The following PARVA variants were observed in gnomAD, a reference collection of about 807,000 sequenced individuals.
The protein encoded by PARVA is alpha-parvin.
A neutral mutation model predicts 52.6 loss-of-function variants in PARVA; 25 were observed. The observed-to-expected ratio is 0.48, with a 90% CI of 0.35 to 0.66. The LOEUF is 0.66. Ranked by LOEUF, PARVA falls within the 30% of genes least tolerant of loss-of-function variation. The probability of loss-of-function intolerance (pLI) is 0.01; values close to 1 mark genes in which losing one functional copy is unlikely to be tolerated. For missense variants in PARVA, 373 were observed against 450.9 expected (o/e 0.83, Z 1.56); for synonymous variants, 185 against 179.1 (o/e 1.03, Z -0.26).
chr11:12,525,683 G>T (rs779442443), intron 12 of PARVA, among the ~76,000 whole-genome samples: 4 of 152,104 alleles, frequency 2.6e-5, no homozygotes, highest in Non-Finnish European at 4.4e-5. Flanking sequence ...CATTAGCAAG[G>T]CAAGGTAGCA....
chr11:12,429,679 G>A (rs1003532305), intron 1 of PARVA, among the ~76,000 whole-genome samples: 1 of 152,126 alleles, frequency 6.6e-6, no homozygotes, highest in Non-Finnish European at 1.5e-5. Context: ...AATCTGACAT[G>A]TGATCACTAA....
At chr11:12,476,043 C>T (rs1296092665) in intron 3 of PARVA, among the ~76,000 whole-genome samples, 1 of 152,198 alleles carries the variant, frequency 6.6e-6, no homozygotes, top group African/African-American at 2.4e-5. Flanking sequence ...AGAGGGCGCT[C>T]ACCATGCTAG....
intron 3 of PARVA, among the ~76,000 whole-genome samples, chr11:12,474,555 A>C (rs1940980009): frequency 6.6e-6 from 1 of 152,106 alleles, no homozygotes; most frequent in African/African-American, 2.4e-5. Flanking sequence ...TGCACTTAAG[A>C]CAAAAGGCAC....
chr11:12,458,233 G>A (rs529886332), intron 1 of PARVA, among the ~76,000 whole-genome samples: 2 of 152,310 alleles, frequency 1.3e-5, no homozygotes, highest in Non-Finnish European at 1.5e-5. Flanking sequence ...CAGAAGAGTC[G>A]TAAAGCATGA....
At chr11:12,498,040 A>G (rs990910708) in intron 5 of PARVA, among the ~76,000 whole-genome samples, 7 of 151,684 alleles carry the variant, frequency 4.6e-5, no homozygotes, top group Non-Finnish European at 1.0e-4. Flanking sequence ...TATTACTATT[A>G]TTATTTTTTT....
At chr11:12,527,249 G>A (rs1000747827) in intron 12 of PARVA, among the ~76,000 whole-genome samples, 18 of 152,172 alleles carry the variant, frequency 1.2e-4, no homozygotes, top group African/African-American at 3.4e-4. Flanking sequence ...CCGGGGGCAC[G>A]GAAGAAGGGA....
chr11:12,443,360 CG>C (rs1940496936), intron 1 of PARVA, among the ~76,000 whole-genome samples: 1 of 143,788 alleles, frequency 7.0e-6, no homozygotes, highest in Non-Finnish European at 1.5e-5. Context: ...TCAGTAGAGA[CG>C]GGGTTTCACC....
intron 5 of PARVA, among the ~76,000 whole-genome samples, chr11:12,501,734 G>A (rs1412787752): frequency 6.6e-6 from 1 of 152,152 alleles, no homozygotes; most frequent in Admixed American, 6.5e-5. Flanking sequence ...TAGTATGTAT[G>A]TGTGTGAGAC....
chr11:12,394,741 C>T (rs1939711152), intron 1 of PARVA, among the ~76,000 whole-genome samples: 1 of 152,164 alleles, frequency 6.6e-6, no homozygotes, highest in African/African-American at 2.4e-5. Flanking sequence ...CCTGTGTATA[C>T]CCAGATCCGA....
chr11:12,501,687 T>C (rs1272297620), intron 5 of PARVA, among the ~76,000 whole-genome samples: 1 of 152,224 alleles, frequency 6.6e-6, no homozygotes, highest in East Asian at 1.9e-4. Flanking sequence ...TAAAACATCA[T>C]AGTATATTAC....
At chr11:12,469,715 T>C (rs1367497475) in intron 1 of PARVA, among the ~76,000 whole-genome samples, 3 of 152,244 alleles carry the variant, frequency 2.0e-5, no homozygotes, top group Non-Finnish European at 4.4e-5. Context: ...ATGATGTTCC[T>C]GTACCAAATC....
Position 12,421,049 on chromosome 11 carries a change from G to A in PARVA, c.136+43266G>A, listed in dbSNP as rs1940141980. 3.4e-5 allele frequency among the ~76,000 whole-genome samples: 5 copies of A among 145,542 alleles called. No homozygotes were observed. In the South Asian group the frequency reaches 7.0e-4, roughly 20 times the overall value. On this transcript the variant is annotated intron_variant, in intron 1 of 12. Coordinates refer to ENST00000334956, the MANE Select transcript of PARVA (RefSeq NM_018222.5). The stretch of plus-strand genomic sequence containing the variant: ...TTTTTTGTACTTCTCAATCAGTACC[G>A]GCTCTAAAGGTGATACTACCATGAT...
intron 1 of PARVA, among the ~76,000 whole-genome samples, chr11:12,416,212 A>G (rs1336964713): frequency 6.6e-6 from 1 of 152,218 alleles, no homozygotes; most frequent in African/African-American, 2.4e-5. Context: ...ACCCGTTAGC[A>G]GGCAGATAGA....
At chr11:12,382,282 A>C (rs1939501710) in intron 1 of PARVA, among the ~76,000 whole-genome samples, 1 of 149,598 alleles carries the variant, frequency 6.7e-6, no homozygotes, top group African/African-American at 2.6e-5. Context: ...ATAAGTTCTA[A>C]CTGTTTGTAA....
At chr11:12,481,368 G>A (rs1941083496) in intron 4 of PARVA, among the ~76,000 whole-genome samples, 2 of 151,546 alleles carry the variant, frequency 1.3e-5, no homozygotes, top group Admixed American at 1.3e-4. Flanking sequence ...TTGGCCTCCA[G>A]CTTCGGCCAT....
intron 1 of PARVA, among the ~76,000 whole-genome samples, chr11:12,446,911 T>A (rs956210390): frequency 1.8e-4 from 27 of 152,230 alleles, no homozygotes; most frequent in Non-Finnish European, 2.9e-4. Flanking sequence ...CCTATAAGTC[T>A]ATAGGTTAAG....
intron 4 of PARVA, among the ~76,000 whole-genome samples, chr11:12,484,334 G>A (rs1317095163): frequency 6.6e-6 from 1 of 152,138 alleles, no homozygotes; most frequent in African/African-American, 2.4e-5. Context: ...ACATGTACAT[G>A]TGCTGGGAAC....
chr11:12,523,549 G>C (rs776189313), intron 12 of PARVA, among the ~76,000 whole-genome samples: 1 of 152,130 alleles, frequency 6.6e-6, no homozygotes, highest in Non-Finnish European at 1.5e-5. Context: ...TTTGGCCTCT[G>C]CATCCTTTAG....
chr11:12,509,052 G>GAT (rs1252885342), intron 7 of PARVA, among the ~76,000 whole-genome samples: 1 of 147,890 alleles, frequency 6.8e-6, no homozygotes, highest in Non-Finnish European at 1.5e-5. Context: ...CTCTACCTTA[G>GAT]ATTTGTCTTT....
Sources: gnomAD v4.1 joint callset for allele counts (sites outside exome capture counted in the v4.1 genomes callset) on GRCh38, gnomAD v4.1.1 for gene constraint, MANE v1.5 for transcripts, NCBI Gene and HGNC (gene_info 2026-07-23, HGNC 2026-07-21) for gene names.